Variants in XPOT observed in about 807,000 individuals in gnomAD.
XPOT encodes the protein exportin for tRNA, also known as exportin-T.
XPOT carries 34 observed loss-of-function variants against 128.2 expected under a neutral mutation model. The ratio of observed to expected loss-of-function variants is 0.27; its 90% confidence interval spans 0.20 to 0.35. The LOEUF (loss-of-function observed/expected upper bound fraction) is 0.35, where lower values mean the gene tolerates loss of function less well. Among genes scored for constraint, XPOT ranks in the 10% least tolerant of loss-of-function variants. The pLI, the probability that XPOT is intolerant of heterozygous loss-of-function variation, is 1.00. For missense variants in XPOT, 838 were observed against 1,125.3 expected (o/e 0.74, Z 3.65); for synonymous variants, 348 against 394.3 (o/e 0.88, Z 1.39).
chr12:64,418,208 C>A, intron 5 of XPOT, 93 bp downstream of exon 5: 1 of 993,190 alleles, frequency 1.0e-6, no homozygotes. Flanking sequence ...AGATTTTCAT[C>A]AGTGTTCCTC....
intron 23 of XPOT, among the ~76,000 whole-genome samples, chr12:64,444,582 G>T (rs2040353083): frequency 1.3e-5 from 2 of 152,120 alleles, no homozygotes; most frequent in Admixed American, 1.3e-4. Context: ...GATTCCATTT[G>T]TTTGAGATAT....
chr12:64,415,095 C>CTT (rs374865311), intron 3 of XPOT, 106 bp downstream of exon 3: 515 of 556,662 alleles, frequency 9.3e-4, no homozygotes, highest in Middle Eastern at 3.7e-3. Context: ...CATTTTATGA[C>CTT]TTTTTTTTTT....
chr12:64,435,514 CT>C, intron 21 of XPOT, 112 bp from the exon 22 acceptor site: 2 of 834,852 alleles, frequency 2.4e-6, no homozygotes, highest in Non-Finnish European at 3.3e-6. Context: ...TTAAATATTT[CT>C]CTGGAAATAT....
chr12:64,425,638 A>C, intron 14 of XPOT, 177 bp from the exon 15 acceptor site: 1 of 973,114 alleles, frequency 1.0e-6, no homozygotes. Context: ...CCAATTAGTC[A>C]ACTAAAACAA....
intron 2 of XPOT, among the ~76,000 whole-genome samples, chr12:64,414,561 C>T (rs552272934): frequency 4.6e-5 from 7 of 152,124 alleles, no homozygotes; most frequent in Non-Finnish European, 8.8e-5. Flanking sequence ...ATGATCACAC[C>T]CTTAACTCAT....
At position 64,428,116 on chromosome 12, in the gene XPOT, C is replaced by T. The variant is rs375180892; in HGVS notation, c.1733C>T (p.Pro578Leu). The T allele has an allele frequency of 1.3e-6, 2 of 1,546,632 alleles. No homozygotes were observed. The highest frequency in any genetic ancestry group is 2.7e-5 in the African/African-American group (2 of 73,454). The change falls in exon 16 of 25, where the codon CCA becomes CTA. Residue 578 changes from proline (P) to leucine (L), a missense_variant. Physicochemically the swap from Pro to Leu is moderately conservative, Grantham distance 98. Coordinates refer to ENST00000332707, the MANE Select transcript of XPOT (RefSeq NM_007235.6). ...ATACAAGATTTATTAGAGCTTTCTC[C>T]ACCTGTAAGTATCTGTCTCTTTAAG... ...NRIQDLLELS[P>L]PENGHQSLLS...
chr12:64,442,114 A>T (rs2040329679), intron 23 of XPOT, among the ~76,000 whole-genome samples: 1 of 151,650 alleles, frequency 6.6e-6, no homozygotes. Flanking sequence ...AGACATTTCC[A>T]GAGTCGTCAT....
At chr12:64,412,201 A>G (rs1417019273) in intron 2 of XPOT, among the ~76,000 whole-genome samples, 4 of 151,604 alleles carry the variant, frequency 2.6e-5, no homozygotes, top group African/African-American at 7.3e-5. Flanking sequence ...TAATTTCTGT[A>G]TGTTTGGTGG....
Position 64,411,375 on chromosome 12 carries a change from T to G in XPOT, c.60+1280T>G, listed in dbSNP as rs531982196. Among the ~76,000 whole-genome samples, 251 of 152,362 alleles carry G rather than the reference T, an allele frequency of 1.6e-3. 1 individual carries two copies. The highest frequency in any genetic ancestry group is 2.8e-3 in the Non-Finnish European group (192 of 68,030). On this transcript the variant is annotated intron_variant, in intron 2 of 24. Coordinates refer to ENST00000332707, the MANE Select transcript of XPOT (RefSeq NM_007235.6). ...GCCTTTACTGTTATTTTTATGTGCC[T>G]CTTGAAATCTTTCATTTCTTAAGTT...
chr12:64,421,149 T>A (rs1428630903), intron 8 of XPOT, 86 bp from the exon 9 acceptor site: 1 of 950,578 alleles, frequency 1.1e-6, no homozygotes, highest in African/African-American at 1.6e-5. Context: ...ATCCTGTAAT[T>A]AGCACTTGAT....
At chr12:64,412,375 T>G (rs1021342619) in intron 2 of XPOT, among the ~76,000 whole-genome samples, 1 of 152,142 alleles carries the variant, frequency 6.6e-6, no homozygotes, top group African/African-American at 2.4e-5. Context: ...AACCTGTTAT[T>G]ATTTAAAGAA....
intron 11 of XPOT, 53 bp downstream of exon 11, chr12:64,423,297 C>A: frequency 8.6e-7 from 1 of 1,161,030 alleles, no homozygotes; most frequent in South Asian, 1.5e-5. Context: ...ATTATTATAT[C>A]AAATTAATAT....
chr12:64,440,335 A>G (rs2040315136), intron 23 of XPOT, among the ~76,000 whole-genome samples: 1 of 152,182 alleles, frequency 6.6e-6, no homozygotes, highest in African/African-American at 2.4e-5. Flanking sequence ...ATGCCACTGT[A>G]TGTATATATC....
intron 11 of XPOT, among the ~76,000 whole-genome samples, chr12:64,423,445 C>T (rs901790635): frequency 3.3e-5 from 5 of 151,932 alleles, no homozygotes; most frequent in Admixed American, 6.6e-5. Flanking sequence ...CCATTAACAA[C>T]CACCCCCCCT....
chr12:64,424,825 A>G, intron 12 of XPOT, 102 bp downstream of exon 12: 1 of 1,461,392 alleles, frequency 6.8e-7, no homozygotes, highest in Non-Finnish European at 9.3e-7. Context: ...CATGTTACTT[A>G]TTGAGATCTT....
intron 19 of XPOT, 150 bp downstream of exon 19, chr12:64,433,753 G>T: frequency 1.5e-6 from 1 of 645,532 alleles, no homozygotes. Flanking sequence ...GGTGGGAATT[G>T]ATCACTTTTA....
rs1205020497 is a variant in XPOT, at chr12:64,450,920, G to A, written c.*2789G>A. On this transcript the variant is annotated 3_prime_UTR_variant, in exon 25 of 25. Transcript: ENST00000332707. ...TAATGTGGTAAACATGTGAATGAAGGCCTGTGGCTCAGTTAATCACTCCCA... is the reference window on the plus strand; with the variant it reads ...TAATGTGGTAAACATGTGAATGAAGACCTGTGGCTCAGTTAATCACTCCCA... 2.0e-5 allele frequency: 3 copies of A among 152,334 alleles called. No homozygotes were observed. In the East Asian group the frequency reaches 5.8e-4, roughly 29 times the overall value. The allele number at this position is 152,334 out of a possible 1,614,324, so 9.4% of individuals were successfully genotyped here.
chr12:64,424,953 G>T, intron 12 of XPOT, 85 bp from the exon 13 acceptor site: 1 of 1,507,074 alleles, frequency 6.6e-7, no homozygotes. Flanking sequence ...AATTAAAAAG[G>T]CTTTTGTTGG....
rs954004798 is a variant in XPOT at position 64,439,264 on chromosome 12, T to C, written c.2754T>C (p.Tyr918=). The C allele has an allele frequency of 6.2e-7, 1 of 1,614,108 alleles. No individual in the cohort carries two copies. The change falls in exon 23 of 25, where the codon TAT becomes TAC. Residue 918 remains tyrosine, a synonymous_variant. Coordinates refer to ENST00000332707, the MANE Select transcript of XPOT (RefSeq NM_007235.6). ...HLKRGPECVQ[Y]LQQEYLPSLQ... ...TTCAGGGCCCAGAATGTGTTCAGTA[T>C]CTTCAACAAGAATACCTGCCCTCCT...
Sources: gnomAD v4.1 joint callset for allele counts (sites outside exome capture counted in the v4.1 genomes callset) on GRCh38, gnomAD v4.1.1 for gene constraint, MANE v1.5 for transcripts, NCBI Gene and HGNC (gene_info 2026-07-23, HGNC 2026-07-21) for gene names.